MEGF6: variants seen among roughly 807,000 people sequenced by gnomAD.
MEGF6 encodes multiple epidermal growth factor-like domains protein 6.
Under a neutral mutation model 207.1 loss-of-function variants are expected in MEGF6, and 184 were observed. That is an observed-to-expected ratio of 0.89 (90% CI 0.79 to 1.00). MEGF6 has a LOEUF of 1.00. Among genes scored for constraint, MEGF6 ranks in the 50% least tolerant of loss-of-function variants. MEGF6 has a pLI of 0.00. For synonymous variants in MEGF6, 1,038 were observed against 910.0 expected, an observed-to-expected ratio of 1.14 and a Z score of -2.53; for missense variants, 2,282 against 2,202.9, an observed-to-expected ratio of 1.04 and a Z score of -0.72.
At chr1:3,568,789 C>G (rs1252566293) in intron 4 of MEGF6, among the ~76,000 whole-genome samples, 1 of 152,138 alleles carries the variant, frequency 6.6e-6, no homozygotes, top group Non-Finnish European at 1.5e-5. Context: ...CTTACAGAAG[C>G]CCTGTGGGTG....
intron 34 of MEGF6, 100 bp downstream of exon 34, chr1:3,493,671 G>A: frequency 6.8e-7 from 1 of 1,472,652 alleles, no homozygotes; most frequent in East Asian, 2.4e-5. Flanking sequence ...AGGGGTTGGT[G>A]GCCAGCCCAG....
rs1365001632 is a variant in MEGF6 at position 3,595,344 on chromosome 1, G to C, written c.370C>G (p.Leu124Val). Residue 124 changes from leucine to valine, a missense_variant, in exon 3 of 37, where the codon CTC (leucine) becomes GTC (valine). Transcript: ENST00000356575. ...AGGCGCAGGCGGCACTCACCCGAGA[G>C]GCAGCCCTCCTCGTCGGGCTGCTGC... ...WMQQPDEEGC[L>V]SAECSASLCF... 1.9e-6 allele frequency: 3 copies of C among 1,610,490 alleles called. No homozygotes were observed. Among genetic ancestry groups the C allele is most frequent in the Non-Finnish European group, 2.5e-6 (3 of 1,178,128 alleles).
intron 4 of MEGF6, among the ~76,000 whole-genome samples, chr1:3,572,829 C>T (rs541821897): frequency 2.7e-4 from 38 of 142,050 alleles, no homozygotes; most frequent in African/African-American, 7.9e-4. Flanking sequence ...CTGGGTTCTC[C>T]TGGGTGTGCT....
rs746047867 is a variant in MEGF6, at chr1:3,602,576, C to T, written c.156G>A (p.Glu52=). The T allele has an allele frequency of 1.2e-6, 2 of 1,611,802 alleles. No homozygotes were observed. The highest frequency in any genetic ancestry group is 2.2e-5 in the South Asian group (2 of 90,924). Residue 52 remains glutamate, a synonymous_variant, in exon 2 of 37, where the codon GAG becomes GAA. Coordinates refer to ENST00000356575, the MANE Select transcript of MEGF6 (RefSeq NM_001409.4). ...GCTGGCGGCGGCCCACCAGGGTCAG[C>T]TCCTGCTCAGCACACACGTGGGGCC... ...PGMPHVCAEQ[E]LTLVGRRQPC... is the part of the protein sequence containing the mutation.
chr1:3,499,319 T>TGTGCC (rs1388891600), intron 23 of MEGF6, 53 bp from the exon 24 acceptor site: 1 of 1,551,208 alleles, frequency 6.4e-7, no homozygotes, highest in Non-Finnish European at 8.7e-7. Context: ...CCCCAGGGGT[T>TGTGCC]GGCAGCAGAT....
At chr1:3,585,576 TGTCCTGTGTGTGGACAC>T (rs1475288050) in intron 3 of MEGF6, among the ~76,000 whole-genome samples, 2 of 123,798 alleles carry the variant, frequency 1.6e-5, no homozygotes, top group Non-Finnish European at 3.2e-5. Flanking sequence ...TGAGGACACA[TGTCCTGTGTGTGGACAC>T]GTCCTGTGTG....
chr1:3,538,696 CTGTGTGTGTGTGTGTGTGTGTGTGTG>C lies in MEGF6; in HGVS notation c.482-14476_482-14451del, dbSNP rs57325073. ...TGCTGCCGGCCAGCAGAGCATGTGCCTGTGTGTGTGTGTGTGTGTGTGTGTGTGTGTGTGTGTGTGTGTGTGTGTCC... is the reference window on the plus strand; with the variant it reads ...TGCTGCCGGCCAGCAGAGCATGTGCCTGTGTGTGTGTGTGTGTGTGTGTCC... On this transcript the variant is annotated intron_variant, in intron 4 of 36. Coordinates refer to ENST00000356575, the MANE Select transcript of MEGF6 (RefSeq NM_001409.4). 1.5e-3 allele frequency among the ~76,000 whole-genome samples: 198 copies of C among 132,108 alleles called. 4 individuals carry two copies. In the East Asian group the frequency reaches 0.048, roughly 32 times the overall value. 86.7% of individuals were successfully genotyped at this position (132,108 alleles called of 152,430 possible). A position where few individuals can be genotyped will look rare whatever the true frequency, so the allele number is the denominator to read the frequency against.
intron 4 of MEGF6, 135 bp downstream of exon 4, chr1:3,579,690 C>T: frequency 3.5e-6 from 2 of 570,522 alleles, no homozygotes; most frequent in East Asian, 3.5e-5. Flanking sequence ...GCGGAATGTC[C>T]TCAGAAGAAT....
At chr1:3,612,661 TC>T (rs1644343305), upstream of MEGF6, among the ~76,000 whole-genome samples, 1 of 152,176 alleles carries the variant, frequency 6.6e-6, no homozygotes, top group African/African-American at 2.4e-5. Flanking sequence ...CAGGCCCTGT[TC>T]CTTGGAACCT....
chr1:3,531,918 G>C (rs979055740), intron 4 of MEGF6, among the ~76,000 whole-genome samples: 1 of 152,224 alleles, frequency 6.6e-6, no homozygotes, highest in Non-Finnish European at 1.5e-5. Flanking sequence ...GTTTGAAGCT[G>C]CAGCACCGAT....
intron 4 of MEGF6, among the ~76,000 whole-genome samples, chr1:3,577,138 C>A (rs1441232196): frequency 2.0e-5 from 3 of 152,230 alleles, no homozygotes; most frequent in Non-Finnish European, 4.4e-5. Flanking sequence ...AGCCTCCATA[C>A]CCTCCCCTTC....
At chr1:3,553,043 G>T (rs895190425) in intron 4 of MEGF6, among the ~76,000 whole-genome samples, 1 of 152,170 alleles carries the variant, frequency 6.6e-6, no homozygotes, top group African/African-American at 2.4e-5. Context: ...GCTGCCACTA[G>T]GGCTGGTGGC....
rs905862769 is a variant in MEGF6 at position 3,489,451 on chromosome 1, C to A, written c.*1077G>T. ...GAGGAGCCCCCAGCCACCACCTCTA[C>A]CCTCTGCCTCTTCCTTCCACTCTGG... On this transcript the variant is annotated 3_prime_UTR_variant, in exon 37 of 37. Transcript: ENST00000356575. 1.3e-5 allele frequency among the ~76,000 whole-genome samples: 2 copies of A among 152,222 alleles called. No homozygotes were observed. The highest frequency in any genetic ancestry group is 1.3e-4 in the Admixed American group (2 of 15,288).
At chr1:3,593,318 G>A (rs923178584) in intron 3 of MEGF6, among the ~76,000 whole-genome samples, 1 of 152,274 alleles carries the variant, frequency 6.6e-6, no homozygotes, top group Non-Finnish European at 1.5e-5. Flanking sequence ...GGTGAACACA[G>A]GGGCACACGA....
Position 3,489,582 on chromosome 1 carries a change from C to T in MEGF6, c.*946G>A, listed in dbSNP as rs1393587198. ...CCCTGCCCCTGCGATGCTGCCCTCC[C>T]CCCACTGCTGATGCTCAGGTAGGGG... On this transcript the variant is annotated 3_prime_UTR_variant, in exon 37 of 37. Coordinates refer to ENST00000356575, the MANE Select transcript of MEGF6 (RefSeq NM_001409.4). Among the ~76,000 whole-genome samples, 4 of 152,194 alleles carry T rather than the reference C, an allele frequency of 2.6e-5. No homozygotes were observed. In the East Asian group the frequency reaches 5.8e-4, roughly 22 times the overall value.
At chr1:3,523,798 A>C (rs1641855857) in intron 5 of MEGF6, among the ~76,000 whole-genome samples, 1 of 152,154 alleles carries the variant, frequency 6.6e-6, no homozygotes, top group Non-Finnish European at 1.5e-5. Flanking sequence ...GAGAATCTTT[A>C]ATAGGATCTC....
chr1:3,605,543 CAT>C (rs540673105), intron 1 of MEGF6, among the ~76,000 whole-genome samples: 429 of 25,798 alleles, frequency 0.017, 1 homozygote, highest in African/African-American at 0.024. Flanking sequence ...CACAATCACA[CAT>C]ATTCTCATAC....
chr1:3,602,279 T>C (rs1644172304), intron 2 of MEGF6, among the ~76,000 whole-genome samples, 187 bp downstream of exon 2: 2 of 152,108 alleles, frequency 1.3e-5, no homozygotes, highest in African/African-American at 4.8e-5. Context: ...AGCATGTGAG[T>C]AGCCCCATGG....
chr1:3,534,033 G>C (rs1642253410), intron 4 of MEGF6, among the ~76,000 whole-genome samples: 1 of 152,094 alleles, frequency 6.6e-6, no homozygotes, highest in South Asian at 2.1e-4. Context: ...CCTGCCTCGT[G>C]CTGTCTCGAG....
Sources: allele counts gnomAD v4.1 joint callset (sites outside exome capture counted in the v4.1 genomes callset), GRCh38; gene constraint gnomAD v4.1.1; transcripts MANE v1.5; gene names NCBI Gene and HGNC (gene_info 2026-07-23, HGNC 2026-07-21).